The following PITPNM2 variants were observed in gnomAD, a reference collection of about 807,000 sequenced individuals.
PITPNM2 encodes phosphatidylinositol transfer protein membrane associated 2.
A neutral mutation model predicts 132.2 loss-of-function variants in PITPNM2; 35 were observed. That is an observed-to-expected ratio of 0.26 (90% CI 0.20 to 0.35). The LOEUF is 0.35. Among genes scored for constraint, PITPNM2 ranks in the 10% least tolerant of loss-of-function variants. The pLI, the probability that PITPNM2 is intolerant of heterozygous loss-of-function variation, is 1.00. For synonymous variants in PITPNM2, 738 were observed against 799.2 expected (o/e 0.92, Z 1.29); for missense variants, 1,332 against 1,912.0 (o/e 0.70, Z 5.66).
chr12:123,110,127 T>C (rs2042805956), intron 2 of PITPNM2, among the ~76,000 whole-genome samples: 1 of 152,086 alleles, frequency 6.6e-6, no homozygotes, highest in Non-Finnish European at 1.5e-5. Flanking sequence ...CCAGTTAATT[T>C]TTTTTTTCAG....
chr12:123,075,684 C>G (rs574504701), intron 2 of PITPNM2: 1 of 152,244 alleles, frequency 6.6e-6, no homozygotes, highest in Non-Finnish European at 1.5e-5. Context: ...CTCCAAGCTG[C>G]TCTCACGCCC....
intron 4 of PITPNM2, 69 bp from the exon 5 acceptor site, chr12:123,012,803 T>G: frequency 6.3e-7 from 1 of 1,580,044 alleles, no homozygotes; most frequent in Non-Finnish European, 8.6e-7. Flanking sequence ...CCAGGGCCTG[T>G]TGACCCACTG....
intron 2 of PITPNM2, among the ~76,000 whole-genome samples, chr12:123,085,334 T>A (rs1343803371): frequency 4.6e-5 from 7 of 152,152 alleles, no homozygotes; most frequent in African/African-American, 1.7e-4. Flanking sequence ...AGTGCTGACA[T>A]CCCCTTTGCT....
chr12:123,080,981 T>A (rs1273436570), intron 2 of PITPNM2, among the ~76,000 whole-genome samples: 2 of 152,226 alleles, frequency 1.3e-5, no homozygotes, highest in African/African-American at 4.8e-5. Context: ...GAGTGGGAAA[T>A]AGAACTTTTC....
chr12:123,047,530 A>C (rs2040701250), intron 2 of PITPNM2, among the ~76,000 whole-genome samples: 1 of 152,202 alleles, frequency 6.6e-6, no homozygotes, highest in South Asian at 2.1e-4. Flanking sequence ...AAAGCTCCAC[A>C]GTCTGGCAAA....
chr12:123,004,290 C>A lies in PITPNM2; in HGVS notation c.1048+104G>T, dbSNP rs1232792148. 9.4e-7 allele frequency: 1 copy of A among 1,058,388 alleles called. No homozygotes were observed. The highest frequency in any genetic ancestry group is 2.5e-5 in the East Asian group (1 of 40,182). 65.6% of individuals were successfully genotyped at this position (1,058,388 alleles called of 1,614,324 possible). On this transcript the variant is annotated intron_variant, in intron 8 of 25. Coordinates refer to ENST00000320201, the MANE Select transcript of PITPNM2 (RefSeq NM_020845.3). The surrounding 1 kb of genome is among the most constrained non-coding windows in gnomAD (Gnocchi z 4.9). ...ATAGGGACTGGATATAGAATAGTAA[C>A]AGGCAACACCCGCATCAGTCCACAC...
chr12:123,015,319 T>C (rs146917001), intron 3 of PITPNM2, among the ~76,000 whole-genome samples: 1 of 152,144 alleles, frequency 6.6e-6, no homozygotes, highest in East Asian at 1.9e-4. Flanking sequence ...CAAAAAAGTG[T>C]AGCACTGGAT....
chr12:122,994,971 G>A lies in PITPNM2; in HGVS notation c.2063C>T (p.Ala688Val), dbSNP rs770542825. ...GCAGGGCTCAGTCCTCAGCACGCTGGCATGGAGGCTGCAGACCCAAATAAG... is the reference window on the plus strand; with the variant it reads ...GCAGGGCTCAGTCCTCAGCACGCTGACATGGAGGCTGCAGACCCAAATAAG... ...QHQAFLSSLH[A>V]SVLRTEPCSR... Residue 688 changes from alanine (A) to valine (V), a missense_variant, in exon 15 of 26, where the codon GCC (alanine) becomes GTC (valine). Ala to Val is a moderately conservative substitution (Grantham distance 64). Around this residue, in one of 6 missense-constraint regions of PITPNM2, gnomAD observed 710 missense variants for 911.5 expected, o/e 0.78. Transcript: ENST00000320201. This position sits in a 1 kb window ranked among gnomAD's most constrained non-coding sequence, Gnocchi z 5.4. 11 of 1,605,006 alleles carry A rather than the reference G, an allele frequency of 6.9e-6. No individual in the cohort carries two copies. The Admixed American group carries it at 1.7e-4, about 25-fold the overall frequency.
At chr12:123,116,886 A>G (rs2137397982) in intron 1 of PITPNM2, among the ~76,000 whole-genome samples, 1 of 152,282 alleles carries the variant, frequency 6.6e-6, no homozygotes, top group Non-Finnish European at 1.5e-5. Flanking sequence ...CCACCTTGTC[A>G]ATGGGTCCCC....
intron 10 of PITPNM2, among the ~76,000 whole-genome samples, chr12:122,999,878 G>C (rs1422176671): frequency 6.6e-6 from 1 of 152,208 alleles, no homozygotes; most frequent in African/African-American, 2.4e-5. Context: ...AGAGCCCCAG[G>C]CCCCTTCTGC....
At chr12:122,991,836 G>T (rs372485571) in intron 16 of PITPNM2, 28 of 1,304,982 alleles carry the variant, frequency 2.1e-5, no homozygotes, top group African/African-American at 7.5e-5. Context: ...CCGTCCCCGT[G>T]GGGGAGAGGG....
chr12:123,119,937 G>A (rs572800977), intron 1 of PITPNM2, among the ~76,000 whole-genome samples: 47 of 152,076 alleles, frequency 3.1e-4, no homozygotes, highest in Non-Finnish European at 6.0e-4. Flanking sequence ...TGCCACCCAC[G>A]TGAGGAGGCT....
chr12:123,111,194 C>T lies in PITPNM2; in HGVS notation c.-199-706G>A, dbSNP rs1005980024. On this transcript the variant is annotated intron_variant, in intron 1 of 25. Coordinates refer to ENST00000320201, the MANE Select transcript of PITPNM2 (RefSeq NM_020845.3). This position sits in a 1 kb window ranked among gnomAD's most constrained non-coding sequence, Gnocchi z 4.1. The stretch of plus-strand genomic sequence containing the variant: ...GCTCCTACAGGGACCACAGACAAGC[C>T]GGGTAGCCCACCTCGCAGCTCAACA... Among the ~76,000 whole-genome samples the T allele has an allele frequency of 6.6e-6, 1 of 152,228 alleles. No individual in the cohort carries two copies. The highest frequency in any genetic ancestry group is 6.5e-5 in the Admixed American group (1 of 15,282).
chr12:123,093,693 A>G (rs1468786974), intron 2 of PITPNM2, among the ~76,000 whole-genome samples: 1 of 151,940 alleles, frequency 6.6e-6, no homozygotes. Context: ...CCTATCCCAA[A>G]CTCTGAGGAT....
intron 2 of PITPNM2, among the ~76,000 whole-genome samples, chr12:123,048,537 C>T (rs1422211028): frequency 6.6e-6 from 1 of 152,054 alleles, no homozygotes; most frequent in Non-Finnish European, 1.5e-5. Context: ...CTCAGCCTCC[C>T]GAGTAGCTGG....
rs1048600582 is a variant in PITPNM2, at chr12:123,095,518, G to A, written c.-96+14867C>T. ...CACCAGCCTGCCCCCTCCTCCCCCCGCCTCCGACCTGTCACCCAGATGAAG... is the reference window on the plus strand; with the variant it reads ...CACCAGCCTGCCCCCTCCTCCCCCCACCTCCGACCTGTCACCCAGATGAAG... On this transcript the variant is annotated intron_variant, in intron 2 of 25. Transcript: ENST00000320201. The surrounding 1 kb of genome is among the most constrained non-coding windows in gnomAD (Gnocchi z 5.0). Among the ~76,000 whole-genome samples, 2 of 151,632 alleles carry A rather than the reference G, an allele frequency of 1.3e-5. No homozygotes were observed. Among genetic ancestry groups the A allele is most frequent in the South Asian group, 2.1e-4 (1 of 4,788 alleles).
At chr12:123,056,340 T>A (rs2041025886) in intron 2 of PITPNM2, among the ~76,000 whole-genome samples, 1 of 152,222 alleles carries the variant, frequency 6.6e-6, no homozygotes, top group African/African-American at 2.4e-5. Context: ...GGAGCCTACA[T>A]GGAGGCGTGT....
intron 3 of PITPNM2, among the ~76,000 whole-genome samples, chr12:123,015,282 C>A (rs372696039): frequency 6.6e-6 from 1 of 152,192 alleles, no homozygotes; most frequent in South Asian, 2.1e-4. Context: ...TTCCCTATAT[C>A]AAACCTTACT....
intron 2 of PITPNM2, among the ~76,000 whole-genome samples, chr12:123,094,301 C>T (rs2042348050): frequency 6.6e-6 from 1 of 152,224 alleles, no homozygotes; most frequent in African/African-American, 2.4e-5. Flanking sequence ...CAGGGGATCC[C>T]AGAACACCAG....
Sources: allele counts gnomAD v4.1 joint callset (sites outside exome capture counted in the v4.1 genomes callset), GRCh38; gene constraint gnomAD v4.1.1; regional missense constraint gnomAD v4.1.1; non-coding constraint Gnocchi (gnomAD v3.1); transcripts MANE v1.5; gene names NCBI Gene and HGNC (gene_info 2026-07-23, HGNC 2026-07-21).